The following ZNF138 variants were observed in gnomAD, a reference collection of about 807,000 sequenced individuals.
ZNF138 encodes zinc finger protein 138 (clone pHZ-32).
ZNF138 carries 33 observed loss-of-function variants against 33.0 expected under a neutral mutation model. That is an observed-to-expected ratio of 1.00 (90% confidence interval 0.76 to 1.34). The LOEUF is 1.34. Ranked by LOEUF, ZNF138 falls within the 40% of genes most tolerant of loss-of-function variation. The probability of loss-of-function intolerance (pLI) is 0.00; values close to 1 mark genes in which losing one functional copy is unlikely to be tolerated. For synonymous variants in ZNF138, 139 were observed against 120.4 expected (o/e 1.15, Z -1.01); for missense variants, 360 against 370.8 (o/e 0.97, Z 0.24).
At chr7:64,813,629 T>C (rs1788365402) in intron 1 of ZNF138, among the ~76,000 whole-genome samples, 1 of 151,962 alleles carries the variant, frequency 6.6e-6, no homozygotes, top group Non-Finnish European at 1.5e-5. Flanking sequence ...AGAGACGGGG[T>C]TTCACTGTGT....
intron 2 of ZNF138, 38 bp downstream of exon 2, chr7:64,815,082 T>G: frequency 6.8e-7 from 1 of 1,478,458 alleles, no homozygotes; most frequent in East Asian, 2.5e-5. Context: ...TAATATATCC[T>G]AAAGGTTTCA....
downstream of ZNF138, chr7:64,835,242 A>G (rs1332376282): frequency 6.6e-6 from 1 of 152,152 alleles, no homozygotes; most frequent in Non-Finnish European, 1.5e-5. Flanking sequence ...CAATCAGTCC[A>G]GCCTATTTTT....
intron 3 of ZNF138, among the ~76,000 whole-genome samples, chr7:64,817,976 CAT>C (rs1445241589): frequency 6.7e-6 from 1 of 148,370 alleles, no homozygotes; most frequent in South Asian, 2.1e-4. Flanking sequence ...TTAATAATAA[CAT>C]TATTTATTAT....
At chr7:64,853,170 C>T in the ZNF138 span, 1 of 1,561,186 alleles carries the variant, frequency 6.4e-7, no homozygotes, top group Non-Finnish European at 8.8e-7. Context: ...AATGCCAAGC[C>T]TTGGCATAAA....
chr7:64,833,153 G>A lies in ZNF138; in HGVS notation c.*951G>A. 3.9e-6 allele frequency: 1 copy of A among 256,244 alleles called. No individual in the cohort carries two copies. Among genetic ancestry groups the A allele is most frequent in the Non-Finnish European group, 7.9e-6 (1 of 127,366 alleles). 15.9% of individuals were successfully genotyped at this position (256,244 alleles called of 1,614,324 possible). The stretch of plus-strand genomic sequence containing the variant: ...TCTTACACCTAAAATTCATGCAGGA[G>A]AGAAACACCACAAATGTGAAAAATT... On this transcript the variant is annotated 3_prime_UTR_variant, in exon 4 of 4. Transcript: ENST00000307355.
At chr7:64,797,879 T>G (rs1194448574) in intron 1 of ZNF138, among the ~76,000 whole-genome samples, 1 of 152,132 alleles carries the variant, frequency 6.6e-6, no homozygotes, top group East Asian at 1.9e-4. Context: ...CAAAAAAGAT[T>G]AGAAGGTGAG....
chr7:64,827,017 T>A (rs1789673671), intron 3 of ZNF138, among the ~76,000 whole-genome samples: 2 of 152,112 alleles, frequency 1.3e-5, no homozygotes, highest in East Asian at 3.9e-4. Context: ...GTAAAGAATA[T>A]GTGTCTATAT....
At chr7:64,848,416 T>G in the ZNF138 span, among the ~76,000 whole-genome samples, 2 of 152,108 alleles carry the variant, frequency 1.3e-5, no homozygotes, top group Admixed American at 1.3e-4. Flanking sequence ...TGAACTTCTT[T>G]CTTCTGCTTG....
chr7:64,814,775 T>A (rs1788470878), intron 1 of ZNF138, 143 bp from the exon 2 acceptor site: 8 of 1,055,622 alleles, frequency 7.6e-6, no homozygotes, highest in Admixed American at 2.9e-5. Flanking sequence ...AAAAAAAAAA[T>A]TATTTTATGA....
chr7:64,810,679 A>T (rs1473774514), intron 1 of ZNF138, among the ~76,000 whole-genome samples: 2 of 152,054 alleles, frequency 1.3e-5, no homozygotes, highest in Non-Finnish European at 2.9e-5. Context: ...AATAGGAAAT[A>T]CCCCAGTGGC....
At chr7:64,838,684 C>T in the ZNF138 span, among the ~76,000 whole-genome samples, 2 of 152,152 alleles carry the variant, frequency 1.3e-5, no homozygotes, top group African/African-American at 4.8e-5. Flanking sequence ...TAGCGGATAT[C>T]ACTGCCCGCA....
intron 3 of ZNF138, among the ~76,000 whole-genome samples, chr7:64,819,671 A>C (rs1322886426): frequency 6.6e-6 from 1 of 151,866 alleles, no homozygotes; most frequent in East Asian, 1.9e-4. Flanking sequence ...ATCCGGCCTG[A>C]GGGTAATTTT....
At chr7:64,825,643 G>A (rs1245764023) in intron 3 of ZNF138, among the ~76,000 whole-genome samples, 2 of 150,566 alleles carry the variant, frequency 1.3e-5, no homozygotes, top group East Asian at 2.0e-4. Flanking sequence ...GGGTTCAAGC[G>A]ATTCCCCTGC....
chr7:64,847,332 A>ATTTTTTT, the ZNF138 span, among the ~76,000 whole-genome samples: 3 of 128,140 alleles, frequency 2.3e-5, no homozygotes, highest in Non-Finnish European at 4.9e-5. Context: ...ATATATATAT[A>ATTTTTTT]TTTTTTTTTT....
At chr7:64,838,677 C>T (rs1340121238), downstream of ZNF138, among the ~76,000 whole-genome samples, 5 of 152,104 alleles carry the variant, frequency 3.3e-5, no homozygotes, top group East Asian at 5.8e-4. Context: ...CCAGGATTAG[C>T]GGATATCACT....
At chr7:64,800,132 G>C (rs958287021) in intron 1 of ZNF138, among the ~76,000 whole-genome samples, 1 of 152,124 alleles carries the variant, frequency 6.6e-6, no homozygotes, top group African/African-American at 2.4e-5. Context: ...GAATTATGTT[G>C]TCTGTGAACA....
intron 1 of ZNF138, among the ~76,000 whole-genome samples, chr7:64,801,586 G>T (rs1463016046): frequency 6.6e-6 from 1 of 151,982 alleles, no homozygotes; most frequent in Non-Finnish European, 1.5e-5. Flanking sequence ...TGGATTGCGT[G>T]GTCAATTTTA....
At chr7:64,858,701 A>T in the ZNF138 span, among the ~76,000 whole-genome samples, 1 of 152,130 alleles carries the variant, frequency 6.6e-6, no homozygotes, top group Admixed American at 6.5e-5. Context: ...ATTAGTTTGA[A>T]TTTTCTTTTA....
At chr7:64,834,998 G>C (rs543636959), downstream of ZNF138, among the ~76,000 whole-genome samples, 3 of 152,204 alleles carry the variant, frequency 2.0e-5, no homozygotes, top group African/African-American at 4.8e-5. Context: ...TGGTCCACAG[G>C]GGGAGGGCCA....
Sources: allele counts gnomAD v4.1 joint callset (sites outside exome capture counted in the v4.1 genomes callset), GRCh38; gene constraint gnomAD v4.1.1; transcripts MANE v1.5; gene names NCBI Gene and HGNC (gene_info 2026-07-23, HGNC 2026-07-21).